Variants in KLHL29 observed in about 807,000 individuals in gnomAD.
KLHL29 encodes the protein kelch-like protein 29.
In KLHL29, 21 loss-of-function variants were observed where a neutral mutation model predicts 80.4. That is an observed-to-expected ratio of 0.26 (90% CI 0.19 to 0.38). KLHL29 has a LOEUF of 0.38. Among genes scored for constraint, KLHL29 ranks in the 10% least tolerant of loss-of-function variants. The probability of loss-of-function intolerance (pLI) is 1.00; values close to 1 mark genes in which losing one functional copy is unlikely to be tolerated. For synonymous variants in KLHL29, 511 were observed against 526.8 expected (o/e 0.97, Z 0.41); for missense variants, 867 against 1,223.9 (o/e 0.71, Z 4.35).
chr2:23,503,836 C>G lies in KLHL29; in HGVS notation c.-46+28169C>G, dbSNP rs749307038. On this transcript the variant is annotated intron_variant, in intron 2 of 13. Transcript: ENST00000486442. The surrounding 1 kb of genome is among the most constrained non-coding windows in gnomAD (Gnocchi z 4.0). ...GTCCACACAGTCCTGCACACATTGC[C>G]GTCTTTGTTTAAAGAGAGGCGGAGG... 3.3e-5 allele frequency among the ~76,000 whole-genome samples: 5 copies of G among 152,194 alleles called. No homozygotes were observed. Among genetic ancestry groups the G allele is most frequent in the African/African-American group, 1.2e-4 (5 of 41,432 alleles).
intron 1 of KLHL29, among the ~76,000 whole-genome samples, chr2:23,445,042 T>A (rs1033648625): frequency 6.6e-6 from 1 of 152,224 alleles, no homozygotes; most frequent in Non-Finnish European, 1.5e-5. Context: ...AACCAATTTT[T>A]TTCCTCACAG....
At chr2:23,646,627 G>T (rs550149446) in intron 5 of KLHL29, among the ~76,000 whole-genome samples, 1 of 152,158 alleles carries the variant, frequency 6.6e-6, no homozygotes, top group Non-Finnish European at 1.5e-5. Context: ...CTGGGAGGCC[G>T]TACTGGGAGA....
chr2:23,686,851 C>T (rs1358553142), intron 6 of KLHL29, among the ~76,000 whole-genome samples: 1 of 152,158 alleles, frequency 6.6e-6, no homozygotes, highest in Non-Finnish European at 1.5e-5. Flanking sequence ...GAAGCCAAAG[C>T]CAAGCCCAGG....
chr2:23,699,409 T>TAAGTA (rs1213253382), intron 11 of KLHL29, among the ~76,000 whole-genome samples: 5 of 152,294 alleles, frequency 3.3e-5, no homozygotes, highest in African/African-American at 1.2e-4. Flanking sequence ...TGGGAGGGCC[T>TAAGTA]AAGTATGGAG....
intron 6 of KLHL29, among the ~76,000 whole-genome samples, chr2:23,685,838 G>T (rs1187146209): frequency 6.6e-6 from 1 of 152,224 alleles, no homozygotes; most frequent in Non-Finnish European, 1.5e-5. Flanking sequence ...GGACAGCAGG[G>T]GCCCGCATCG....
chr2:23,392,335 G>A (rs925609710), intron 1 of KLHL29, among the ~76,000 whole-genome samples: 5 of 152,176 alleles, frequency 3.3e-5, no homozygotes, highest in African/African-American at 1.2e-4. Flanking sequence ...ATTCTGAAAA[G>A]CATAAGACAT....
At chr2:23,410,450 T>C (rs1010922419) in intron 1 of KLHL29, among the ~76,000 whole-genome samples, 6 of 152,022 alleles carry the variant, frequency 3.9e-5, no homozygotes, top group African/African-American at 1.5e-4. Flanking sequence ...TCAGGTATAT[T>C]GGAGAAAACT....
intron 2 of KLHL29, among the ~76,000 whole-genome samples, chr2:23,486,919 T>C (rs1664945116): frequency 6.6e-6 from 1 of 152,236 alleles, no homozygotes; most frequent in African/African-American, 2.4e-5. Context: ...TGCCCAAGGC[T>C]GTGCTAAGCA....
chr2:23,643,220 C>CA (rs1553349212), intron 5 of KLHL29: 52 of 414,058 alleles, frequency 1.3e-4, no homozygotes, highest in African/African-American at 1.0e-3. Flanking sequence ...CTCAGGGCAC[C>CA]GCAGAACAGT....
At chr2:23,670,512 C>T (rs1161909896) in intron 5 of KLHL29, among the ~76,000 whole-genome samples, 2 of 152,074 alleles carry the variant, frequency 1.3e-5, no homozygotes, top group Non-Finnish European at 2.9e-5. Flanking sequence ...GCATGGTCCC[C>T]CCAACCCCCA....
At chr2:23,461,823 C>T (rs1664217368) in intron 1 of KLHL29, among the ~76,000 whole-genome samples, 2 of 152,000 alleles carry the variant, frequency 1.3e-5, no homozygotes, top group African/African-American at 4.8e-5. Flanking sequence ...TCCTGCTTTT[C>T]AGGGTTTTTA....
intron 2 of KLHL29, among the ~76,000 whole-genome samples, chr2:23,500,200 G>A (rs941224114): frequency 6.6e-6 from 1 of 152,188 alleles, no homozygotes; most frequent in East Asian, 1.9e-4. Context: ...ACAGTGGTGC[G>A]TTCGTGTCAA....
At chr2:23,443,130 G>A (rs1382410044) in intron 1 of KLHL29, among the ~76,000 whole-genome samples, 1 of 151,670 alleles carries the variant, frequency 6.6e-6, no homozygotes, top group African/African-American at 2.4e-5. Context: ...GGGCATTTAG[G>A]GATACCTACC....
At chr2:23,485,174 C>G (rs1376770668) in intron 2 of KLHL29, among the ~76,000 whole-genome samples, 1 of 152,186 alleles carries the variant, frequency 6.6e-6, no homozygotes, top group African/African-American at 2.4e-5. Context: ...AAAGTCAGTT[C>G]CCACGGCCTC....
chr2:23,606,858 A>G (rs1002601577), intron 3 of KLHL29, among the ~76,000 whole-genome samples: 6 of 152,182 alleles, frequency 3.9e-5, no homozygotes, highest in Admixed American at 3.9e-4. Flanking sequence ...AAAATACTGT[A>G]AACAGGGTGG....
At chr2:23,572,881 T>G (rs939365404) in intron 3 of KLHL29, among the ~76,000 whole-genome samples, 14 of 152,184 alleles carry the variant, frequency 9.2e-5, no homozygotes, top group Non-Finnish European at 1.8e-4. Context: ...TTTATATTTT[T>G]AGTAGAGACG....
rs1414492384 is a variant in KLHL29 at position 23,597,305 on chromosome 2, A to ATGTGTGTGTGTGTGTGTGTG, written c.285+34825_285+34826insGTGTGTGTGTGTGTGTGTGT. On this transcript the variant is annotated intron_variant, in intron 3 of 13. Coordinates refer to ENST00000486442, the MANE Select transcript of KLHL29 (RefSeq NM_052920.2). ...CTATCTCTCTCTCTCTCATATATAT[A>ATGTGTGTGTGTGTGTGTGTG]TATATGTGTGTGTGTGTGTGTGTGT... Among the ~76,000 whole-genome samples the ATGTGTGTGTGTGTGTGTGTG allele has an allele frequency of 2.0e-3, 196 of 97,452 alleles. 2 individuals carry two copies. The highest frequency in any genetic ancestry group is 4.9e-3 in the Middle Eastern group (1 of 204). 63.9% of individuals were successfully genotyped at this position (97,452 alleles called of 152,430 possible).
At chr2:23,590,878 C>T (rs769285057) in intron 3 of KLHL29, among the ~76,000 whole-genome samples, 2 of 152,188 alleles carry the variant, frequency 1.3e-5, no homozygotes, top group Non-Finnish European at 2.9e-5. Context: ...TATTTAGGAT[C>T]TACCGTGTGC....
chr2:23,641,741 T>A (rs1242947084), intron 4 of KLHL29, among the ~76,000 whole-genome samples: 1 of 152,176 alleles, frequency 6.6e-6, no homozygotes, highest in Non-Finnish European at 1.5e-5. Flanking sequence ...CCCAGCACTT[T>A]GGGAAGCTGA....
Sources: gnomAD v4.1 joint callset for allele counts (sites outside exome capture counted in the v4.1 genomes callset) on GRCh38, gnomAD v4.1.1 for gene constraint, Gnocchi (gnomAD v3.1) non-coding constraint, MANE v1.5 for transcripts, NCBI Gene and HGNC (gene_info 2026-07-23, HGNC 2026-07-21) for gene names.